The following EFCAB6 variants were observed in gnomAD, a reference collection of about 807,000 sequenced individuals.
EFCAB6 encodes EF-hand calcium-binding domain-containing protein 6.
In EFCAB6, 156 loss-of-function variants were observed where a neutral mutation model predicts 169.8. The ratio of observed to expected loss-of-function variants is 0.92; its 90% CI spans 0.81 to 1.05. The LOEUF is 1.05. Among genes scored for constraint, EFCAB6 ranks in the 50% least tolerant of loss-of-function variants. The pLI is 0.00. For synonymous variants in EFCAB6, 698 were observed against 676.4 expected (o/e 1.03, Z -0.50); for missense variants, 1,800 against 1,829.1 (o/e 0.98, Z 0.29).
At chr22:43,633,832 G>C (rs898445406) in intron 18 of EFCAB6, among the ~76,000 whole-genome samples, 2 of 152,194 alleles carry the variant, frequency 1.3e-5, no homozygotes, top group Non-Finnish European at 2.9e-5. Context: ...GCTGCAAGTG[G>C]CCTCCCTCTG....
chr22:43,723,290 C>T (rs2059604095), intron 8 of EFCAB6, among the ~76,000 whole-genome samples: 1 of 152,092 alleles, frequency 6.6e-6, no homozygotes. Flanking sequence ...TGGATATAAG[C>T]ATGGGAACAA....
At chr22:43,809,673 C>T (rs1381813436) in intron 1 of EFCAB6, among the ~76,000 whole-genome samples, 1 of 151,966 alleles carries the variant, frequency 6.6e-6, no homozygotes, top group African/African-American at 2.4e-5. Context: ...AATGGTGTGA[C>T]CTCGGCTCAC....
chr22:43,720,953 A>G (rs1424089372), intron 8 of EFCAB6, among the ~76,000 whole-genome samples: 1 of 152,198 alleles, frequency 6.6e-6, no homozygotes, highest in African/African-American at 2.4e-5. Context: ...TTTGCTGACA[A>G]TATGATTCTA....
chr22:43,781,206 A>T (rs2061812062), intron 3 of EFCAB6, among the ~76,000 whole-genome samples: 3 of 152,250 alleles, frequency 2.0e-5, no homozygotes, highest in Admixed American at 2.0e-4. Flanking sequence ...GTTGCTTTTA[A>T]AACTGGTAAG....
At chr22:43,637,876 T>A (rs1056371787) in intron 17 of EFCAB6, among the ~76,000 whole-genome samples, 1 of 152,222 alleles carries the variant, frequency 6.6e-6, no homozygotes, top group Non-Finnish European at 1.5e-5. Flanking sequence ...TTGAAAACAA[T>A]TGCACATGAA....
chr22:43,619,915 A>T (rs1200965572), intron 20 of EFCAB6, among the ~76,000 whole-genome samples: 1 of 152,240 alleles, frequency 6.6e-6, no homozygotes, highest in Non-Finnish European at 1.5e-5. Flanking sequence ...AAATAGATAA[A>T]CAAAGACAAA....
rs1187866765 is a variant in EFCAB6 at position 43,744,156 on chromosome 22, TGATGGATA to T, written c.508-8171_508-8164del. ...ATGGATGGGTAGATGGATGGATGGATGATGGATAGATGGGTAGATGGATGAATGGATGG... is the reference window on the plus strand; with the variant it reads ...ATGGATGGGTAGATGGATGGATGGATGATGGGTAGATGGATGAATGGATGG... On this transcript the variant is annotated intron_variant, in intron 6 of 31. Coordinates refer to ENST00000262726, the MANE Select transcript of EFCAB6 (RefSeq NM_022785.4). The surrounding 1 kb of genome is among the most constrained non-coding windows in gnomAD (Gnocchi z 4.3). Among the ~76,000 whole-genome samples the T allele has an allele frequency of 1.3e-5, 2 of 150,888 alleles. No individual in the cohort carries two copies. Among genetic ancestry groups the T allele is most frequent in the Non-Finnish European group, 2.9e-5 (2 of 67,800 alleles).
At chr22:43,623,908 CAA>C (rs59667895) in intron 20 of EFCAB6, among the ~76,000 whole-genome samples, 5 of 94,802 alleles carry the variant, frequency 5.3e-5, no homozygotes, top group Admixed American at 4.4e-4. Context: ...GACTCCTTCT[CAA>C]AAAAAAAAAA....
chr22:43,544,620 G>A (rs2047934892), intron 27 of EFCAB6, among the ~76,000 whole-genome samples: 1 of 152,096 alleles, frequency 6.6e-6, no homozygotes, highest in South Asian at 2.1e-4. Context: ...TCCTGGTGGG[G>A]TTGGGTTTCT....
At chr22:43,560,172 T>C (rs570235209) in intron 26 of EFCAB6, among the ~76,000 whole-genome samples, 19 of 152,348 alleles carry the variant, frequency 1.2e-4, no homozygotes, top group African/African-American at 4.6e-4. Context: ...TCTCAAGTTA[T>C]AAATAAGCTT....
At chr22:43,740,496 C>G (rs921803832) in intron 6 of EFCAB6, among the ~76,000 whole-genome samples, 1 of 152,232 alleles carries the variant, frequency 6.6e-6, no homozygotes. Context: ...ATCCTGAGTG[C>G]AGTCATGATG....
chr22:43,542,051 G>T (rs1473627226), intron 27 of EFCAB6, among the ~76,000 whole-genome samples: 1 of 152,264 alleles, frequency 6.6e-6, no homozygotes, highest in African/African-American at 2.4e-5. Flanking sequence ...CATGGAGCAG[G>T]AGAGGACGAG....
intron 10 of EFCAB6, among the ~76,000 whole-genome samples, chr22:43,696,868 G>GC (rs1391346024): frequency 6.6e-6 from 1 of 152,144 alleles, no homozygotes; most frequent in Non-Finnish European, 1.5e-5. Flanking sequence ...AATCTTGACT[G>GC]CAGTAGTGGT....
At chr22:43,718,063 C>CCCAT (rs71188406) in intron 8 of EFCAB6, among the ~76,000 whole-genome samples, 34,187 of 131,886 alleles carry the variant, frequency 0.26, 4,015 homozygotes, top group East Asian at 0.52. Flanking sequence ...CATCCATCCA[C>CCCAT]CCATCCATCC....
At position 43,784,688 on chromosome 22, in the gene EFCAB6, C is replaced by T. The variant is rs1457315223; in HGVS notation, c.-7-2363G>A. On this transcript the variant is annotated intron_variant, in intron 2 of 31. Coordinates refer to ENST00000262726, the MANE Select transcript of EFCAB6 (RefSeq NM_022785.4). ...ACATATACATATATACACACACACACACACACACACACACACACACACACA... is the reference window on the plus strand; with the variant it reads ...ACATATACATATATACACACACACATACACACACACACACACACACACACA... Among the ~76,000 whole-genome samples the T allele has an allele frequency of 3.6e-4, 42 of 117,966 alleles. 1 individual carries two copies. The highest frequency in any genetic ancestry group is 1.7e-3 in the South Asian group (6 of 3,470). The allele number at this position is 117,966 out of a possible 152,430, so 77.4% of individuals were successfully genotyped here. A position where few individuals can be genotyped will look rare whatever the true frequency, so the allele number is the denominator to read the frequency against.
chr22:43,807,546 C>G (rs939753533), intron 2 of EFCAB6, among the ~76,000 whole-genome samples: 1 of 152,132 alleles, frequency 6.6e-6, no homozygotes, highest in African/African-American at 2.4e-5. Context: ...CTATTTATAT[C>G]AGAATCATAA....
At chr22:43,609,242 A>C (rs968013828) in intron 21 of EFCAB6, among the ~76,000 whole-genome samples, 1 of 152,232 alleles carries the variant, frequency 6.6e-6, no homozygotes, top group Non-Finnish European at 1.5e-5. Flanking sequence ...GAAAGAACAA[A>C]ACATTCCCCC....
intron 6 of EFCAB6, among the ~76,000 whole-genome samples, chr22:43,737,457 C>G (rs926985021): frequency 1.3e-5 from 2 of 150,040 alleles, no homozygotes; most frequent in African/African-American, 4.9e-5. Context: ...TATTCATACA[C>G]ACACACCCCT....
rs142083672 is a variant in EFCAB6, at chr22:43,672,037, G to A, written c.1576C>T (p.Arg526Ter). ...TGCATGATTTTCTTGAAATTATTTC[G>A]GCCAATGCGCCCTGTGTCTCCAAGG... ...YDLGDTGRIG[R>*]NNFKKIMHVF... The change falls in exon 15 of 32, where the codon CGA becomes TGA. Residue 526 changes from arginine to a stop codon, truncating the protein, a stop_gained. Transcript: ENST00000262726. LOFTEE classifies it high-confidence loss of function. The A allele has an allele frequency of 3.4e-5, 55 of 1,613,922 alleles. No homozygotes were observed. In the East Asian group the frequency reaches 5.6e-4, roughly 16 times the overall value.
Sources: gnomAD v4.1 joint callset for allele counts (sites outside exome capture counted in the v4.1 genomes callset) on GRCh38, gnomAD v4.1.1 for gene constraint, Gnocchi (gnomAD v3.1) non-coding constraint, MANE v1.5 for transcripts, NCBI Gene and HGNC (gene_info 2026-07-23, HGNC 2026-07-21) for gene names.